The following STK3 variants were observed in gnomAD, a reference collection of about 807,000 sequenced individuals.
The protein encoded by STK3 is serine/threonine-protein kinase 3.
Under a neutral mutation model 58.0 loss-of-function variants are expected in STK3, and 41 were observed. The ratio of observed to expected loss-of-function variants is 0.71; its 90% CI spans 0.55 to 0.92. STK3 has a LOEUF of 0.92. Among genes scored for constraint, STK3 ranks in the 40% least tolerant of loss-of-function variants. STK3 has a pLI of 0.00. For missense variants in STK3, 479 were observed against 602.7 expected, an observed-to-expected ratio of 0.79 and a Z score of 2.15; for synonymous variants, 170 against 191.0, an observed-to-expected ratio of 0.89 and a Z score of 0.91.
intron 10 of STK3, among the ~76,000 whole-genome samples, chr8:98,515,089 C>T (rs1160099925): frequency 1.3e-5 from 2 of 152,020 alleles, no homozygotes; most frequent in African/African-American, 2.4e-5. Context: ...TCTCTAATTC[C>T]ACTATCTTTG....
intron 7 of STK3, among the ~76,000 whole-genome samples, chr8:98,585,725 T>A (rs1397774602): frequency 6.6e-6 from 1 of 152,136 alleles, no homozygotes; most frequent in East Asian, 1.9e-4. Flanking sequence ...TTCCTACCCA[T>A]GAGCATGGAA....
chr8:98,422,170 C>A (rs570081527), intron 3 of STK3, among the ~76,000 whole-genome samples: 21 of 152,330 alleles, frequency 1.4e-4, no homozygotes, highest in Non-Finnish European at 4.4e-5. Context: ...AAAACAAATT[C>A]AGTCCAGCAT....
At chr8:98,720,263 TTAAG>T (rs1259994786) in intron 4 of STK3, among the ~76,000 whole-genome samples, 14 of 152,318 alleles carry the variant, frequency 9.2e-5, no homozygotes, top group Admixed American at 2.0e-4. Context: ...ATTTCTCTAC[TTAAG>T]TAAGTAAGCA....
At chr8:98,588,927 G>A (rs1480210607) in intron 7 of STK3, among the ~76,000 whole-genome samples, 3 of 141,612 alleles carry the variant, frequency 2.1e-5, no homozygotes, top group African/African-American at 5.3e-5. Context: ...CGTAGTTCTC[G>A]AGCCTTGGTT....
chr8:98,699,861 C>T (rs1825388282), intron 6 of STK3, among the ~76,000 whole-genome samples: 1 of 152,210 alleles, frequency 6.6e-6, no homozygotes, highest in African/African-American at 2.4e-5. Flanking sequence ...AGATCTCCAG[C>T]TGCGTGCTGG....
chr8:98,502,031 C>T (rs1041497837), intron 10 of STK3, among the ~76,000 whole-genome samples: 2 of 152,190 alleles, frequency 1.3e-5, no homozygotes, highest in African/African-American at 2.4e-5. Context: ...TGCCTCCTAT[C>T]CATGAGCAAG....
At chr8:98,707,378 C>T (rs548485783) in intron 4 of STK3, 67 bp from the exon 5 acceptor site, 126 of 1,204,478 alleles carry the variant, frequency 1.0e-4, no homozygotes, top group South Asian at 8.4e-4. Context: ...CGAAAGAGCA[C>T]TAGTAACAAG....
intron 6 of STK3, among the ~76,000 whole-genome samples, chr8:98,628,207 T>C (rs1020985331): frequency 6.6e-6 from 1 of 152,172 alleles, no homozygotes; most frequent in African/African-American, 2.4e-5. Flanking sequence ...CCCTGATTTT[T>C]CCAGTTTATA....
chr8:98,749,394 A>C lies in STK3; in HGVS notation c.237-4T>G. 6.8e-7 allele frequency: 1 copy of C among 1,468,562 alleles called. No homozygotes were observed. Among genetic ancestry groups the C allele is most frequent in the Non-Finnish European group, 9.3e-7 (1 of 1,080,958 alleles). 91.0% of individuals were successfully genotyped at this position (1,468,562 alleles called of 1,614,324 possible). A position where few individuals can be genotyped will look rare whatever the true frequency, so the allele number is the denominator to read the frequency against. On this transcript the variant is annotated splice_region_variant and splice_polypyrimidine_tract_variant and intron_variant, in intron 3 of 10. Transcript: ENST00000419617. ...ATAGTACTTTACAACATATGGGCTA[A>C]AGGAAAATACATAAACAATTAAATT...
intron 10 of STK3, among the ~76,000 whole-genome samples, chr8:98,514,524 C>T (rs1824775722): frequency 6.6e-6 from 1 of 151,304 alleles, no homozygotes; most frequent in South Asian, 2.1e-4. Context: ...CCTGCCCCCA[C>T]ACTCCCCCTA....
chr8:98,706,584 AG>A lies in STK3; in HGVS notation c.566del (p.Ala189ValfsTer4). 1 of 1,612,890 alleles carries A rather than the reference AG, an allele frequency of 6.2e-7. No individual in the cohort carries two copies. Among genetic ancestry groups the A allele is most frequent in the Non-Finnish European group, 8.5e-7 (1 of 1,179,532 alleles). ...NTVIGTPFWM[A>X]PEVIQEIGYN... ...AGCCTATTTCTTGAATCACCTCAGG[AG>A]CCATCCAAAATGGAGTTCCTATTAC... On this transcript the variant is annotated frameshift_variant, in exon 6 of 11. Transcript: ENST00000419617. LOFTEE classifies it high-confidence loss of function.
chr8:98,627,055 A>C (rs1455684203), intron 6 of STK3, among the ~76,000 whole-genome samples: 1 of 152,174 alleles, frequency 6.6e-6, no homozygotes, highest in East Asian at 1.9e-4. Flanking sequence ...TGCCACCTCT[A>C]ATGGCTATGT....
At chr8:98,729,730 A>G (rs541366605) in intron 4 of STK3, among the ~76,000 whole-genome samples, 28 of 152,218 alleles carry the variant, frequency 1.8e-4, no homozygotes, top group Non-Finnish European at 3.5e-4. Context: ...TGTAATCTTT[A>G]TAACAACTCA....
chr8:98,770,441 T>C (rs774894686), intron 2 of STK3, among the ~76,000 whole-genome samples: 14 of 152,202 alleles, frequency 9.2e-5, no homozygotes, highest in Admixed American at 2.0e-4. Flanking sequence ...TGTACTGATA[T>C]GGATGCAAGA....
At chr8:98,726,279 A>T (rs1248230130) in intron 4 of STK3, among the ~76,000 whole-genome samples, 3 of 152,228 alleles carry the variant, frequency 2.0e-5, no homozygotes, top group Non-Finnish European at 4.4e-5. Flanking sequence ...AACTTAATTT[A>T]CTTAGTTAAG....
chr8:98,438,861 T>G (rs1315534245), intron 1 of STK3: 1 of 152,598 alleles, frequency 6.6e-6, no homozygotes, highest in Non-Finnish European at 1.5e-5. Flanking sequence ...TGTCCACGTG[T>G]CTGAGTGTAT....
intron 1 of STK3, among the ~76,000 whole-genome samples, chr8:98,380,148 G>T (rs573546442): frequency 1.3e-5 from 2 of 152,196 alleles, no homozygotes; most frequent in South Asian, 2.1e-4. Flanking sequence ...GTAGGGTTAG[G>T]GGGTGGTGCA....
rs191136891 is a variant in STK3, at chr8:98,561,042, A to G, written c.949-12881T>C. 7.2e-5 allele frequency among the ~76,000 whole-genome samples: 11 copies of G among 152,230 alleles called. No homozygotes were observed. The East Asian group carries it at 2.1e-3, about 29-fold the overall frequency. On this transcript the variant is annotated intron_variant, in intron 8 of 10. Coordinates refer to ENST00000419617, the MANE Select transcript of STK3 (RefSeq NM_006281.4). ...AAGCAAGATGCCGTGTCCAAAAAAG[A>G]AAAGAAAAGGAAAAAGAAAATTGGA... is the stretch of plus-strand genomic sequence containing the variant.
At chr8:98,612,164 G>A (rs944559190) in intron 6 of STK3, among the ~76,000 whole-genome samples, 2 of 150,290 alleles carry the variant, frequency 1.3e-5, no homozygotes, top group East Asian at 1.9e-4. Context: ...TAAAAACTAT[G>A]TGTAACTTCT....
Sources: gnomAD v4.1 joint callset for allele counts (sites outside exome capture counted in the v4.1 genomes callset) on GRCh38, gnomAD v4.1.1 for gene constraint, MANE v1.5 for transcripts, NCBI Gene and HGNC (gene_info 2026-07-23, HGNC 2026-07-21) for gene names.